The following PDE1A variants were observed in gnomAD, a reference collection of about 807,000 sequenced individuals.
The protein encoded by PDE1A is dual specificity calcium/calmodulin-dependent 3',5'-cyclic nucleotide phosphodiesterase 1A.
In PDE1A, 35 loss-of-function variants were observed where a neutral mutation model predicts 61.7. The ratio of observed to expected loss-of-function variants is 0.57; its 90% CI spans 0.43 to 0.75. PDE1A has a LOEUF of 0.75. Among genes scored for constraint, PDE1A ranks in the 30% least tolerant of loss-of-function variants. The pLI is 0.00. For synonymous variants in PDE1A, 232 were observed against 213.2 expected (o/e 1.09, Z -0.77); for missense variants, 597 against 630.6 (o/e 0.95, Z 0.57).
At chr2:182,550,905 TC>T in the PDE1A span, among the ~76,000 whole-genome samples, 1 of 152,132 alleles carries the variant, frequency 6.6e-6, no homozygotes, top group South Asian at 2.1e-4. Flanking sequence ...GTATGTAAGT[TC>T]TGTTCACATT....
At chr2:182,509,090 TA>T (rs1003013314) in intron 2 of PDE1A, among the ~76,000 whole-genome samples, 17 of 151,260 alleles carry the variant, frequency 1.1e-4, no homozygotes, top group Non-Finnish European at 1.8e-4. Context: ...TTTCATTGGT[TA>T]AAAAAAAATC....
intron 1 of PDE1A, among the ~76,000 whole-genome samples, chr2:182,281,702 G>A (rs987614567): frequency 6.6e-6 from 1 of 151,916 alleles, no homozygotes; most frequent in Non-Finnish European, 1.5e-5. Context: ...ATCAGTTTGT[G>A]AAAATTTCAT....
chr2:182,299,483 A>G (rs1695093728), intron 1 of PDE1A, among the ~76,000 whole-genome samples: 1 of 147,456 alleles, frequency 6.8e-6, no homozygotes, highest in Admixed American at 6.9e-5. Flanking sequence ...GAAATGGCAG[A>G]GATTAGTCCC....
At chr2:182,690,737 AT>A in the PDE1A span, among the ~76,000 whole-genome samples, 1 of 152,222 alleles carries the variant, frequency 6.6e-6, no homozygotes. Flanking sequence ...AGGAAGTCAA[AT>A]TGTCCCTGTC....
At chr2:182,200,303 C>A (rs1306692153) in intron 10 of PDE1A, among the ~76,000 whole-genome samples, 2 of 152,136 alleles carry the variant, frequency 1.3e-5, no homozygotes, top group Non-Finnish European at 2.9e-5. Context: ...GCCTGGTCAC[C>A]AGAAACCAAC....
chr2:182,159,178 T>C (rs1379491036), intron 13 of PDE1A, among the ~76,000 whole-genome samples: 1 of 152,224 alleles, frequency 6.6e-6, no homozygotes, highest in Non-Finnish European at 1.5e-5. Context: ...GTGTCCTCTT[T>C]TTGAGAAAAT....
At chr2:182,250,149 G>A (rs1203695510) in intron 2 of PDE1A, among the ~76,000 whole-genome samples, 1 of 152,102 alleles carries the variant, frequency 6.6e-6, no homozygotes, top group Non-Finnish European at 1.5e-5. Context: ...CAATGCTAAT[G>A]CCAGTAATCA....
At chr2:182,658,568 TATA>T in the PDE1A span, among the ~76,000 whole-genome samples, 1 of 152,216 alleles carries the variant, frequency 6.6e-6, no homozygotes, top group South Asian at 2.1e-4. Flanking sequence ...ATCGTGATTC[TATA>T]ATGACATAGC....
chr2:182,586,508 A>G, the PDE1A span, among the ~76,000 whole-genome samples: 1 of 152,196 alleles, frequency 6.6e-6, no homozygotes, highest in East Asian at 1.9e-4. Context: ...CTCTGAGGAC[A>G]ACTTTGCATT....
chr2:182,476,822 C>T lies in PDE1A; in HGVS notation c.101+45454G>A, dbSNP rs1574752652. On this transcript the variant is annotated intron_variant, in intron 2 of 14. Coordinates refer to the PDE1A transcript ENST00000410103. The stretch of plus-strand genomic sequence containing the variant: ...ACATAAAAATGAAAGAATAAAAGAC[C>T]AATAATAAAAGTGACTAGGAAGCAA... Among the ~76,000 whole-genome samples, 5 of 148,756 alleles carry T rather than the reference C, an allele frequency of 3.4e-5. No homozygotes were observed. The South Asian group carries it at 1.1e-3, about 32-fold the overall frequency.
rs556324153 is a variant in PDE1A, at chr2:182,186,623, A to T, written c.1208-35T>A. ...CCAAAATGAGAAGAGAGAGAGATAA[A>T]TTCAAGTGTTACAATTTCCTGAATT... On this transcript the variant is annotated intron_variant, in intron 11 of 13. Coordinates refer to ENST00000351439, the Ensembl canonical transcript of PDE1A. 9.3e-5 allele frequency: 145 copies of T among 1,561,656 alleles called. 1 individual carries two copies. In the South Asian group the frequency reaches 1.6e-3, roughly 17 times the overall value.
downstream of PDE1A, among the ~76,000 whole-genome samples, chr2:182,144,147 AT>A (rs1690370810): frequency 6.6e-6 from 1 of 152,206 alleles, no homozygotes; most frequent in African/African-American, 2.4e-5. Flanking sequence ...CAAATGATCA[AT>A]TTTGATCTCT....
intron 2 of PDE1A, among the ~76,000 whole-genome samples, chr2:182,501,166 C>G (rs1384542496): frequency 6.6e-6 from 1 of 152,156 alleles, no homozygotes; most frequent in African/African-American, 2.4e-5. Context: ...AGAGGCACAA[C>G]GACCCTTATA....
intron 1 of PDE1A, among the ~76,000 whole-genome samples, chr2:182,292,995 T>C (rs540819600): frequency 6.6e-6 from 1 of 152,260 alleles, no homozygotes; most frequent in South Asian, 2.1e-4. Flanking sequence ...AATTGAGGTA[T>C]AATTTACCTA....
At chr2:182,340,026 G>A (rs1333313716) in intron 1 of PDE1A, among the ~76,000 whole-genome samples, 2 of 152,114 alleles carry the variant, frequency 1.3e-5, no homozygotes, top group Non-Finnish European at 2.9e-5. Flanking sequence ...GGGCATAGAT[G>A]GCTGAGATTA....
intron 13 of PDE1A, among the ~76,000 whole-genome samples, chr2:182,152,623 G>C (rs1353751061): frequency 6.6e-6 from 1 of 151,958 alleles, no homozygotes; most frequent in Non-Finnish European, 1.5e-5. Context: ...GTTTCGCCAT[G>C]TTGGCCAGGC....
At chr2:182,345,450 C>G (rs1034705797) in intron 1 of PDE1A, among the ~76,000 whole-genome samples, 4 of 152,200 alleles carry the variant, frequency 2.6e-5, no homozygotes, top group Admixed American at 2.6e-4. Flanking sequence ...CTATTCTGAA[C>G]AGCAGTCAGA....
intron 2 of PDE1A, among the ~76,000 whole-genome samples, chr2:182,440,442 G>A (rs1480126763): frequency 6.6e-6 from 1 of 152,054 alleles, no homozygotes; most frequent in Non-Finnish European, 1.5e-5. Context: ...TTATAGGCAT[G>A]CCTTTAAATC....
intron 1 of PDE1A, among the ~76,000 whole-genome samples, chr2:182,365,312 A>G (rs1699775152): frequency 6.6e-6 from 1 of 151,986 alleles, no homozygotes; most frequent in Admixed American, 6.6e-5. Flanking sequence ...TTGCAAGCTA[A>G]CCATTAAAAT....
Sources: gnomAD v4.1 joint callset for allele counts (sites outside exome capture counted in the v4.1 genomes callset) on GRCh38, gnomAD v4.1.1 for gene constraint, MANE v1.5 for transcripts, NCBI Gene and HGNC (gene_info 2026-07-23, HGNC 2026-07-21) for gene names.